Variants in HPCAL1 observed in about 807,000 individuals in gnomAD.
The protein encoded by HPCAL1 is hippocalcin like 1, also known as hippocalcin-like protein 1.
HPCAL1 carries 8 observed loss-of-function variants against 17.1 expected under a neutral mutation model. The observed-to-expected ratio is 0.47, with a 90% CI of 0.27 to 0.84. The LOEUF (loss-of-function observed/expected upper bound fraction) is 0.84. HPCAL1 is among the 40% of genes least tolerant of loss of function. The pLI, the probability that HPCAL1 is intolerant of heterozygous loss-of-function variation, is 0.13. For synonymous variants in HPCAL1, 112 were observed against 111.4 expected, an observed-to-expected ratio of 1.01 and a Z score of -0.03; for missense variants, 165 against 271.1, an observed-to-expected ratio of 0.61 and a Z score of 2.75.
chr2:10,315,119 G>A (rs567850701), intron 1 of HPCAL1, among the ~76,000 whole-genome samples: 7 of 151,960 alleles, frequency 4.6e-5, no homozygotes, highest in African/African-American at 1.2e-4. Flanking sequence ...GTGAAACCCC[G>A]TCTCTACTAA....
chr2:10,402,217 A>G (rs1326332586), intron 2 of HPCAL1, among the ~76,000 whole-genome samples: 2 of 152,182 alleles, frequency 1.3e-5, no homozygotes, highest in Admixed American at 6.5e-5. Flanking sequence ...GAACCTTGGT[A>G]GGAGAAGGAA....
intron 2 of HPCAL1, among the ~76,000 whole-genome samples, chr2:10,409,222 A>G (rs544564831): frequency 6.6e-6 from 1 of 152,140 alleles, no homozygotes; most frequent in Non-Finnish European, 1.5e-5. Context: ...AAGCAGCCCT[A>G]GCTTATAGGT....
intron 2 of HPCAL1, among the ~76,000 whole-genome samples, chr2:10,413,563 T>G (rs944878635): frequency 6.6e-6 from 1 of 152,188 alleles, no homozygotes; most frequent in African/African-American, 2.4e-5. Context: ...ACGTCTGCCC[T>G]CTGGCACACG....
At position 10,363,381 on chromosome 2, in the gene HPCAL1, A is replaced by C. The variant is rs1327746161; in HGVS notation, c.-110-33454A>C. 6.6e-6 allele frequency among the ~76,000 whole-genome samples: 1 copy of C among 152,166 alleles called. No individual in the cohort carries two copies. The highest frequency in any genetic ancestry group is 1.5e-5 in the Non-Finnish European group (1 of 68,030). On this transcript the variant is annotated intron_variant, in intron 1 of 4. Transcript: ENST00000307845. This position sits in a 1 kb window ranked among gnomAD's most constrained non-coding sequence, Gnocchi z 4.7. ...GGTGCTGGGCAGACGTTTACCGTCC[A>C]GCACCCCCATTTCTGCTGCTCTGAT...
Position 10,330,977 on chromosome 2 carries a change from C to T in HPCAL1, c.-111+27800C>T, listed in dbSNP as rs1296420825. On this transcript the variant is annotated intron_variant, in intron 1 of 4. Transcript: ENST00000307845. This position sits in a 1 kb window ranked among gnomAD's most constrained non-coding sequence, Gnocchi z 4.2. The stretch of plus-strand genomic sequence containing the variant: ...GAGAGCCTTAGCGGGAAGCCTGTTG[C>T]TTGTGCCTCCTTTGCAGCCCCGGCC... Among the ~76,000 whole-genome samples, 1 of 152,160 alleles carries T rather than the reference C, an allele frequency of 6.6e-6. No homozygotes were observed. The highest frequency in any genetic ancestry group is 2.4e-5 in the African/African-American group (1 of 41,426).
chr2:10,419,416 G>A lies in HPCAL1; in HGVS notation c.-24-318G>A, dbSNP rs1364730260. The stretch of plus-strand genomic sequence containing the variant: ...AAAGTAAGAACTGATTTTAATCTTC[G>A]CCTCTCGTACAACCCCTGGTGGGCA... On this transcript the variant is annotated intron_variant, in intron 2 of 4. Coordinates refer to ENST00000307845, the MANE Select transcript of HPCAL1 (RefSeq NM_002149.4). The surrounding 1 kb of genome is among the most constrained non-coding windows in gnomAD (Gnocchi z 5.0). 6.6e-6 allele frequency among the ~76,000 whole-genome samples: 1 copy of A among 152,116 alleles called. No homozygotes were observed. The highest frequency in any genetic ancestry group is 1.5e-5 in the Non-Finnish European group (1 of 68,026).
chr2:10,359,232 C>T lies in HPCAL1; in HGVS notation c.-110-37603C>T, dbSNP rs1311778010. On this transcript the variant is annotated intron_variant, in intron 1 of 4. Transcript: ENST00000307845. The surrounding 1 kb of genome is among the most constrained non-coding windows in gnomAD (Gnocchi z 4.1). ...TCCTGGTGGCCACTCCCTTGGTGTC[C>T]ATGGGTGTCTGGTGTGTGCCTATGT... Among the ~76,000 whole-genome samples, 2 of 152,132 alleles carry T rather than the reference C, an allele frequency of 1.3e-5. No homozygotes were observed. The highest frequency in any genetic ancestry group is 3.9e-4 in the East Asian group (2 of 5,190).
chr2:10,305,732 A>T (rs1662584257), intron 1 of HPCAL1, among the ~76,000 whole-genome samples: 1 of 152,218 alleles, frequency 6.6e-6, no homozygotes, highest in East Asian at 1.9e-4. Context: ...GATAGATTCT[A>T]AGTGAAATAC....
At chr2:10,361,000 G>A (rs952801094) in intron 1 of HPCAL1, among the ~76,000 whole-genome samples, 14 of 150,232 alleles carry the variant, frequency 9.3e-5, no homozygotes, top group Admixed American at 1.3e-4. Context: ...TGTGCCTTGC[G>A]TGTGCTGCGG....
At chr2:10,424,801 G>A (rs1671299255) in intron 4 of HPCAL1, 3 of 370,680 alleles carry the variant, frequency 8.1e-6, no homozygotes, top group South Asian at 2.0e-5. Context: ...GGCCCTCAAA[G>A]CTCCTCCGGG....
chr2:10,402,333 G>A (rs1669669242), intron 2 of HPCAL1, among the ~76,000 whole-genome samples: 1 of 152,210 alleles, frequency 6.6e-6, no homozygotes, highest in Admixed American at 6.5e-5. Context: ...GCATGTAAGG[G>A]GTGTTCCGTG....
In HPCAL1 at chr2:10,367,273, G is replaced by A. The variant is rs967925997; in HGVS notation, c.-110-29562G>A. ...GCGGATGGTAGTGTTGTTTTAAGGG[G>A]GGATTTTGTTGCTGTCGTTGTTGTT... is the stretch of plus-strand genomic sequence containing the variant. On this transcript the variant is annotated intron_variant, in intron 1 of 4. Transcript: ENST00000307845. The surrounding 1 kb of genome is among the most constrained non-coding windows in gnomAD (Gnocchi z 4.4). Among the ~76,000 whole-genome samples the A allele has an allele frequency of 6.6e-6, 1 of 151,856 alleles. No individual in the cohort carries two copies. The highest frequency in any genetic ancestry group is 6.6e-5 in the Admixed American group (1 of 15,230).
intron 1 of HPCAL1, among the ~76,000 whole-genome samples, chr2:10,366,859 G>T (rs965812769): frequency 3.3e-5 from 5 of 152,210 alleles, no homozygotes; most frequent in Non-Finnish European, 7.3e-5. Flanking sequence ...TTCACTGCTA[G>T]ATCCAAGGAT....
chr2:10,303,797 C>T (rs1052307749), intron 1 of HPCAL1: 3 of 152,300 alleles, frequency 2.0e-5, no homozygotes, highest in African/African-American at 7.2e-5. Context: ...CCGCGACCCG[C>T]ACTGCGACCT....
chr2:10,399,060 C>T (rs890498373), intron 2 of HPCAL1, among the ~76,000 whole-genome samples: 2 of 151,718 alleles, frequency 1.3e-5, no homozygotes, highest in African/African-American at 4.8e-5. Context: ...GCGCCTGGCC[C>T]GGCAGGTCGT....
chr2:10,403,454 T>TGTGTGTGTG (rs1669763650), intron 2 of HPCAL1, among the ~76,000 whole-genome samples: 1 of 65,106 alleles, frequency 1.5e-5, no homozygotes, highest in Non-Finnish European at 2.6e-5. Flanking sequence ...AAGAGTTCTT[T>TGTGTGTGTG]TGTGTGTGTG....
rs1670898483 is a variant in HPCAL1 at position 10,419,524 on chromosome 2, C to T, written c.-24-210C>T. 1.3e-5 allele frequency among the ~76,000 whole-genome samples: 2 copies of T among 151,894 alleles called. No individual in the cohort carries two copies. The highest frequency in any genetic ancestry group is 4.8e-5 in the African/African-American group (2 of 41,318). ...ATTCTCCAAGTGAGAACGTGTCCCG[C>T]AGTGTGAGGGTGAGCTGTCGTGATA... On this transcript the variant is annotated intron_variant, in intron 2 of 4. Coordinates refer to ENST00000307845, the MANE Select transcript of HPCAL1 (RefSeq NM_002149.4). This position sits in a 1 kb window ranked among gnomAD's most constrained non-coding sequence, Gnocchi z 5.0.
At chr2:10,333,133 A>G (rs535060146) in intron 1 of HPCAL1, among the ~76,000 whole-genome samples, 2 of 152,320 alleles carry the variant, frequency 1.3e-5, no homozygotes, top group South Asian at 4.1e-4. Flanking sequence ...TGGGTCTTTA[A>G]TCAGCCTCTT....
intron 1 of HPCAL1, among the ~76,000 whole-genome samples, chr2:10,385,398 C>A (rs1323332900): frequency 1.3e-5 from 2 of 152,014 alleles, no homozygotes; most frequent in East Asian, 1.9e-4. Context: ...TGGGACAGGG[C>A]CCAGGAATCT....
Sources: allele counts gnomAD v4.1 joint callset (sites outside exome capture counted in the v4.1 genomes callset), GRCh38; gene constraint gnomAD v4.1.1; non-coding constraint Gnocchi (gnomAD v3.1); transcripts MANE v1.5; gene names NCBI Gene and HGNC (gene_info 2026-07-23, HGNC 2026-07-21).